Variants in POLR1A observed in about 807,000 individuals in gnomAD.
POLR1A encodes RNA polymerase I subunit A, also known as DNA-directed RNA polymerase I subunit RPA1.
POLR1A carries 84 observed loss-of-function variants against 205.3 expected under a neutral mutation model. The ratio of observed to expected loss-of-function variants is 0.41; its 90% CI spans 0.34 to 0.49. The LOEUF (loss-of-function observed/expected upper bound fraction) is 0.49, where lower values mean the gene tolerates loss of function less well. Ranked by LOEUF, POLR1A falls within the 20% of genes least tolerant of loss-of-function variation. The probability of loss-of-function intolerance (pLI) is 0.22; values close to 1 mark genes in which losing one functional copy is unlikely to be tolerated. For missense variants in POLR1A, 1,645 were observed against 2,204.5 expected (o/e 0.75, Z 5.08); for synonymous variants, 799 against 863.7 (o/e 0.93, Z 1.31).
At chr2:86,086,028 G>C (rs1673498185) in intron 6 of POLR1A, among the ~76,000 whole-genome samples, 1 of 152,050 alleles carries the variant, frequency 6.6e-6, no homozygotes, top group African/African-American at 2.4e-5. Flanking sequence ...GGGATCACCA[G>C]TCCATGGGGA....
chr2:86,031,302 A>C (rs778000096), intron 30 of POLR1A, 28 bp downstream of exon 30: 27 of 1,520,258 alleles, frequency 1.8e-5, no homozygotes, highest in Non-Finnish European at 2.2e-5. Context: ...CCAACCACCC[A>C]AGCCCTGGCC....
Position 86,070,089 on chromosome 2 carries a change from G to A in POLR1A, c.1795C>T (p.Pro599Ser). 1.2e-6 allele frequency: 2 copies of A among 1,614,204 alleles called. No homozygotes were observed. Among genetic ancestry groups the A allele is most frequent in the East Asian group, 4.5e-5 (2 of 44,884 alleles). ...TCGGCCCGGCCCAGCTCACTCTGGG[G>A]GAAATGGGCATTCATCTCGTCTCCA... is the stretch of plus-strand genomic sequence containing the variant. ...FDGDEMNAHF[P>S]QSELGRAEAY... is the part of the protein sequence containing the mutation. Residue 599 changes from proline to serine, a missense_variant, in exon 13 of 34, where the codon CCC becomes TCC. By Grantham distance (74) the Pro-to-Ser change is moderately conservative. Coordinates refer to ENST00000263857, the MANE Select transcript of POLR1A (RefSeq NM_015425.6). The surrounding 1 kb of genome is among the most constrained non-coding windows in gnomAD (Gnocchi z 4.4).
chr2:86,029,436 G>A (rs1672339188), intron 31 of POLR1A, among the ~76,000 whole-genome samples: 1 of 152,084 alleles, frequency 6.6e-6, no homozygotes, highest in South Asian at 2.1e-4. Flanking sequence ...AGTACTTGGA[G>A]ACACAGCTCA....
rs1690200924 is a variant in POLR1A at position 86,023,701 on chromosome 2, C to T, written c.*3722G>A. 6.6e-6 allele frequency: 1 copy of T among 151,854 alleles called. No homozygotes were observed. The highest frequency in any genetic ancestry group is 1.5e-5 in the Non-Finnish European group (1 of 67,998). The allele number at this position is 151,854 out of a possible 1,614,324, so 9.4% of individuals were successfully genotyped here. A position where few individuals can be genotyped will look rare whatever the true frequency, so the allele number is the denominator to read the frequency against. ...AAAAATTAAAGAATTACCATATGAT[C>T]CAGCAATTCCACTTCTAGTATATAT... On this transcript the variant is annotated 3_prime_UTR_variant, in exon 34 of 34. Transcript: ENST00000263857.
chr2:86,104,014 T>C (rs1256985176), intron 1 of POLR1A, among the ~76,000 whole-genome samples: 1 of 152,228 alleles, frequency 6.6e-6, no homozygotes, highest in Non-Finnish European at 1.5e-5. Context: ...GGGATGATGT[T>C]ATAGCTAAAA....
Position 86,026,913 on chromosome 2 carries a change from G to C in POLR1A, c.*510C>G. 5.9e-6 allele frequency: 1 copy of C among 168,968 alleles called. No homozygotes were observed. 10.5% of individuals were successfully genotyped at this position (168,968 alleles called of 1,614,324 possible). The stretch of plus-strand genomic sequence containing the variant: ...TCTGCCCCCAGGGGCTGGAGCAGCC[G>C]GAAGGAGCAGGCCTTGGGCAGCAGG... On this transcript the variant is annotated 3_prime_UTR_variant, in exon 34 of 34. Transcript: ENST00000263857.
In POLR1A at chr2:86,105,642, A is replaced by G. The variant is rs1573842516; in HGVS notation, c.77+58T>C. 1.4e-5 allele frequency: 17 copies of G among 1,180,966 alleles called. No homozygotes were observed. The South Asian group carries it at 1.9e-4, about 14-fold the overall frequency. The allele number at this position is 1,180,966 out of a possible 1,614,324, so 73.2% of individuals were successfully genotyped here. On this transcript the variant is annotated intron_variant, in intron 1 of 33. Transcript: ENST00000263857. ...GGGCAAAAGCGCTTCTGGGAATCGT[A>G]GTTTAGGGCGCCGACCTCAAGATCC...
intron 1 of POLR1A, among the ~76,000 whole-genome samples, chr2:86,102,983 A>T (rs907513808): frequency 2.6e-5 from 4 of 152,252 alleles, no homozygotes; most frequent in Admixed American, 1.3e-4. Context: ...CCATCTATTC[A>T]TACACTCAAC....
intron 12 of POLR1A, among the ~76,000 whole-genome samples, chr2:86,073,042 A>G (rs1263412292): frequency 6.6e-6 from 1 of 152,038 alleles, no homozygotes; most frequent in African/African-American, 2.4e-5. Context: ...GTGAAACCCC[A>G]TGTCTACAGA....
At position 86,070,418 on chromosome 2, in the gene POLR1A, G is replaced by T; in HGVS notation, c.1612-146C>A. On this transcript the variant is annotated intron_variant, in intron 12 of 33. Transcript: ENST00000263857. This position sits in a 1 kb window ranked among gnomAD's most constrained non-coding sequence, Gnocchi z 4.4. ...ATGCAAGGGGAATTTTTCATCTGGA[G>T]CAAAACCCTGGAAATCTCTGAGAAA... 1 of 849,280 alleles carries T rather than the reference G, an allele frequency of 1.2e-6. No homozygotes were observed. The highest frequency in any genetic ancestry group is 1.8e-6 in the Non-Finnish European group (1 of 558,568). The allele number at this position is 849,280 out of a possible 1,614,324, so 52.6% of individuals were successfully genotyped here.
chr2:86,078,734 TG>T (rs1673342860), intron 9 of POLR1A, among the ~76,000 whole-genome samples: 1 of 152,218 alleles, frequency 6.6e-6, no homozygotes, highest in African/African-American at 2.4e-5. Flanking sequence ...AACATGCAGG[TG>T]GAACAATTTC....
At chr2:86,039,775 G>A (rs1672565327) in intron 25 of POLR1A, among the ~76,000 whole-genome samples, 1 of 152,222 alleles carries the variant, frequency 6.6e-6, no homozygotes, top group Non-Finnish European at 1.5e-5. Flanking sequence ...GCGATGCAGG[G>A]AAGGCAACTA....
chr2:86,104,845 C>T (rs114826830), intron 1 of POLR1A, among the ~76,000 whole-genome samples: 152 of 152,316 alleles, frequency 1.0e-3, no homozygotes, highest in Admixed American at 2.2e-3. Context: ...GACAGCTGAA[C>T]AAATGGGTCT....
Position 86,039,022 on chromosome 2 carries a change from G to C in POLR1A, c.3877-165C>G, listed in dbSNP as rs76964577. On this transcript the variant is annotated intron_variant, in intron 26 of 33. Coordinates refer to ENST00000263857, the MANE Select transcript of POLR1A (RefSeq NM_015425.6). ...TATACTGGTGTGGATCTGCTGGGGGGCCCACAGCCTGCAGTCACCTCCAGA... is the reference window on the plus strand; with the variant it reads ...TATACTGGTGTGGATCTGCTGGGGGCCCCACAGCCTGCAGTCACCTCCAGA... 0.082 allele frequency: 56,556 copies of C among 686,508 alleles called. 3,135 individuals are homozygous for C. The highest frequency in any genetic ancestry group is 0.21 in the African/African-American group (11,497 of 55,824). The allele number at this position is 686,508 out of a possible 1,614,324, so 42.5% of individuals were successfully genotyped here.
intron 21 of POLR1A, 21 bp downstream of exon 21, chr2:86,045,257 G>A: frequency 6.5e-7 from 1 of 1,530,078 alleles, no homozygotes; most frequent in Non-Finnish European, 9.1e-7. Flanking sequence ...TACCTCAAGG[G>A]GCACGGCAGA....
chr2:86,051,672 G>A (rs1270823443), intron 16 of POLR1A, among the ~76,000 whole-genome samples: 1 of 152,282 alleles, frequency 6.6e-6, no homozygotes, highest in Non-Finnish European at 1.5e-5. Flanking sequence ...TGTACATGGA[G>A]GTGCAGTGTC....
intron 14 of POLR1A, 92 bp from the exon 15 acceptor site, chr2:86,054,381 C>T (rs1013881551): frequency 3.3e-5 from 44 of 1,335,870 alleles, no homozygotes; most frequent in South Asian, 2.5e-4. Context: ...TTAAGAACTT[C>T]CCTTTTAGGA....
At chr2:86,036,508 A>G (rs1672498173) in intron 27 of POLR1A, among the ~76,000 whole-genome samples, 1 of 152,060 alleles carries the variant, frequency 6.6e-6, no homozygotes, top group Non-Finnish European at 1.5e-5. Context: ...AGAGGGTGGC[A>G]GAGAGGAAGG....
At chr2:86,063,169 C>G (rs1673026099) in intron 14 of POLR1A, among the ~76,000 whole-genome samples, 1 of 151,790 alleles carries the variant, frequency 6.6e-6, no homozygotes, top group African/African-American at 2.4e-5. Flanking sequence ...AACCCCATCT[C>G]TACTAAAAAT....
Sources: gnomAD v4.1 joint callset for allele counts (sites outside exome capture counted in the v4.1 genomes callset) on GRCh38, gnomAD v4.1.1 for gene constraint, Gnocchi (gnomAD v3.1) non-coding constraint, MANE v1.5 for transcripts, NCBI Gene and HGNC (gene_info 2026-07-23, HGNC 2026-07-21) for gene names.